Variants in KDM2B observed in about 807,000 individuals in gnomAD.
The protein encoded by KDM2B is lysine-specific demethylase 2B.
A neutral mutation model predicts 150.0 loss-of-function variants in KDM2B; 26 were observed. The ratio of observed to expected loss-of-function variants is 0.17; its 90% confidence interval spans 0.13 to 0.24. KDM2B has a LOEUF of 0.24. Among genes scored for constraint, KDM2B ranks in the 10% least tolerant of loss-of-function variants. The pLI, the probability that KDM2B is intolerant of heterozygous loss-of-function variation, is 1.00. For missense variants in KDM2B, 1,265 were observed against 1,816.9 expected (o/e 0.70, Z 5.52); for synonymous variants, 734 against 729.5 (o/e 1.01, Z -0.10).
At chr12:121,428,395 A>C (rs61320478), downstream of KDM2B, among the ~76,000 whole-genome samples, 373 of 152,146 alleles carry the variant, frequency 2.5e-3, 4 homozygotes, top group African/African-American at 8.7e-3. Flanking sequence ...GTTTCACCAT[A>C]TTGTGGTCAG....
At chr12:121,578,005 C>T (rs979795847) in intron 2 of KDM2B, among the ~76,000 whole-genome samples, 2 of 152,178 alleles carry the variant, frequency 1.3e-5, no homozygotes, top group Non-Finnish European at 2.9e-5. Context: ...CCAGATTCCG[C>T]TCTCAATTGG....
In KDM2B at chr12:121,442,277, A is replaced by G. The variant is rs781840622; in HGVS notation, c.3164T>C (p.Leu1055Pro). Reference protein sequence around the residue: ...PPPISPPPDSLPLDDGAAHVM... With the variant: ...PPPISPPPDSPPLDDGAAHVM... ...GTGGGCTGCCCCATCGTCCAGGGGT[A>G]GCGAGTCAGGCGGGGGGCTGATGGG... The change falls in exon 19 of 23, where the codon CTA (leucine) becomes CCA (proline). Residue 1055 changes from leucine (L) to proline (P), a missense_variant. Physicochemically the swap from Leu to Pro is moderately conservative, Grantham distance 98 (BLOSUM62 -3). Transcript: ENST00000377071. This position sits in a 1 kb window ranked among gnomAD's most constrained non-coding sequence, Gnocchi z 7.7. 1 of 1,611,766 alleles carries G rather than the reference A, an allele frequency of 6.2e-7. No homozygotes were observed.
Position 121,437,484 on chromosome 12 carries a change from A to G in KDM2B, c.3829+2373T>C, listed in dbSNP as rs1463808592. Among the ~76,000 whole-genome samples the G allele has an allele frequency of 2.7e-5, 4 of 149,596 alleles. No individual in the cohort carries two copies. The Admixed American group carries it at 2.7e-4, about 10-fold the overall frequency. On this transcript the variant is annotated intron_variant, in intron 22 of 22. Coordinates refer to ENST00000377071, the MANE Select transcript of KDM2B (RefSeq NM_032590.5). Reference sequence around the variant, plus strand: ...TCCTCATGTTATATAATAGCAAGCTAATAAATATATAATGTCCACATGGGA... The same window carrying G: ...TCCTCATGTTATATAATAGCAAGCTGATAAATATATAATGTCCACATGGGA...
At chr12:121,494,764 A>G in intron 11 of KDM2B, 99 bp from the exon 12 acceptor site, 1 of 865,072 alleles carries the variant, frequency 1.2e-6, no homozygotes, top group Non-Finnish European at 1.7e-6. Flanking sequence ...CACACTCCAC[A>G]AAGTCAGCGC....
chr12:121,462,608 C>T (rs1207439428), intron 12 of KDM2B, among the ~76,000 whole-genome samples: 1 of 152,082 alleles, frequency 6.6e-6, no homozygotes. Context: ...ATTCTCTTAC[C>T]TCAGCCTCCC....
intron 4 of KDM2B, among the ~76,000 whole-genome samples, chr12:121,573,773 GA>G (rs1385273551): frequency 6.6e-6 from 1 of 151,876 alleles, no homozygotes; most frequent in Non-Finnish European, 1.5e-5. Context: ...ATTTTTAGTA[GA>G]GACGGGGTTT....
the KDM2B span, among the ~76,000 whole-genome samples, chr12:121,411,985 A>C: frequency 2.6e-5 from 4 of 152,236 alleles, no homozygotes. Flanking sequence ...TTTTTAGAAC[A>C]AAGTTTTTCC....
chr12:121,492,424 C>A lies in KDM2B; in HGVS notation c.1734+2155G>T, dbSNP rs571298221. 9.2e-4 allele frequency among the ~76,000 whole-genome samples: 140 copies of A among 151,900 alleles called. 1 individual carries two copies. Among genetic ancestry groups the A allele is most frequent in the African/African-American group, 3.1e-3 (128 of 41,484 alleles). Reference sequence around the variant, plus strand: ...CCAGGTTCAAGCAATTCTCTTGCCTCAGCCTCCTGAGTAGCTGGGATTACA... The same window carrying A: ...CCAGGTTCAAGCAATTCTCTTGCCTAAGCCTCCTGAGTAGCTGGGATTACA... On this transcript the variant is annotated intron_variant, in intron 12 of 22. Coordinates refer to ENST00000377071, the MANE Select transcript of KDM2B (RefSeq NM_032590.5).
chr12:121,447,899 C>A (rs1555290704), intron 13 of KDM2B, among the ~76,000 whole-genome samples: 1 of 152,092 alleles, frequency 6.6e-6, no homozygotes, highest in Non-Finnish European at 1.5e-5. Flanking sequence ...TCGAGTGATC[C>A]TCCCACCTTA....
Position 121,549,684 on chromosome 12 carries a change from T to C in KDM2B, c.398-46A>G. On this transcript the variant is annotated intron_variant, in intron 4 of 22. Transcript: ENST00000377071. The surrounding 1 kb of genome is among the most constrained non-coding windows in gnomAD (Gnocchi z 4.4). ...CTGGTTGTTCCTGCCGGCTTAAGGC[T>C]CCAGATCCTACATGGGAGCCCCTCA... is the stretch of plus-strand genomic sequence containing the variant. The C allele has an allele frequency of 6.6e-7, 1 of 1,506,696 alleles. No individual in the cohort carries two copies. Among genetic ancestry groups the C allele is most frequent in the South Asian group, 1.3e-5 (1 of 76,234 alleles). 93.3% of individuals were successfully genotyped at this position (1,506,696 alleles called of 1,614,324 possible). A position where few individuals can be genotyped will look rare whatever the true frequency, so the allele number is the denominator to read the frequency against.
At chr12:121,471,242 C>T (rs1880740613) in intron 12 of KDM2B, among the ~76,000 whole-genome samples, 1 of 152,166 alleles carries the variant, frequency 6.6e-6, no homozygotes, top group African/African-American at 2.4e-5. Context: ...AATCCTCCCC[C>T]AATTCCACTG....
At position 121,443,101 on chromosome 12, in the gene KDM2B, C is replaced by G; in HGVS notation, c.2566-71G>C. ...GGGATTTGGTCTCCTCGACACCCCACCCCACCACGAGTCCACAGTCTCCAG... is the reference window on the plus strand; with the variant it reads ...GGGATTTGGTCTCCTCGACACCCCAGCCCACCACGAGTCCACAGTCTCCAG... On this transcript the variant is annotated intron_variant, in intron 17 of 22. Coordinates refer to ENST00000377071, the MANE Select transcript of KDM2B (RefSeq NM_032590.5). The G allele has an allele frequency of 8.3e-6, 12 of 1,439,606 alleles. No homozygotes were observed. In the South Asian group the frequency reaches 1.5e-4, roughly 18 times the overall value. The allele number at this position is 1,439,606 out of a possible 1,614,324, so 89.2% of individuals were successfully genotyped here.
chr12:121,489,729 C>G (rs1883157164), intron 12 of KDM2B, among the ~76,000 whole-genome samples: 1 of 152,178 alleles, frequency 6.6e-6, no homozygotes, highest in Non-Finnish European at 1.5e-5. Flanking sequence ...TGTGAGCCAC[C>G]ACGCCTGGCC....
intron 11 of KDM2B, among the ~76,000 whole-genome samples, chr12:121,498,728 C>T (rs1382136615): frequency 9.2e-5 from 14 of 151,990 alleles, no homozygotes; most frequent in Admixed American, 9.2e-4. Flanking sequence ...GAGGTAGAGG[C>T]CTCTTTAGAG....
rs1442583183 is a variant in KDM2B at position 121,453,612 on chromosome 12, T to G, written c.1735-268A>C. Among the ~76,000 whole-genome samples the G allele has an allele frequency of 6.6e-6, 1 of 151,960 alleles. No homozygotes were observed. Among genetic ancestry groups the G allele is most frequent in the African/African-American group, 2.4e-5 (1 of 41,350 alleles). On this transcript the variant is annotated intron_variant, in intron 12 of 22. Coordinates refer to ENST00000377071, the MANE Select transcript of KDM2B (RefSeq NM_032590.5). This position sits in a 1 kb window ranked among gnomAD's most constrained non-coding sequence, Gnocchi z 6.4. ...TTGGACACAGAGACAGACACGCACG[T>G]AGAGAACGTGTGTGAAGACACAGGC...
intron 14 of KDM2B, 34 bp downstream of exon 14, chr12:121,445,241 C>G: frequency 6.2e-7 from 1 of 1,604,462 alleles, no homozygotes; most frequent in Non-Finnish European, 8.5e-7. Flanking sequence ...TGCCCCAGAG[C>G]GTCAGCACCA....
chr12:121,559,346 G>T (rs781836107), intron 4 of KDM2B, among the ~76,000 whole-genome samples: 1 of 151,780 alleles, frequency 6.6e-6, no homozygotes, highest in Non-Finnish European at 1.5e-5. Context: ...TCTATGGGAG[G>T]GGTGGGAGGG....
intron 13 of KDM2B, among the ~76,000 whole-genome samples, chr12:121,451,347 G>A (rs560178670): frequency 1.8e-4 from 27 of 152,202 alleles, no homozygotes; most frequent in Admixed American, 1.0e-3. Context: ...ATGTGTTAAT[G>A]GACTGTTTTT....
intron 11 of KDM2B, among the ~76,000 whole-genome samples, chr12:121,496,345 A>G (rs1883933027): frequency 6.6e-6 from 1 of 152,168 alleles, no homozygotes; most frequent in South Asian, 2.1e-4. Flanking sequence ...GACATTTAAG[A>G]ACAGAGTAAA....
Sources: gnomAD v4.1 joint callset for allele counts (sites outside exome capture counted in the v4.1 genomes callset) on GRCh38, gnomAD v4.1.1 for gene constraint, Gnocchi (gnomAD v3.1) non-coding constraint, MANE v1.5 for transcripts, NCBI Gene and HGNC (gene_info 2026-07-23, HGNC 2026-07-21) for gene names.